ACVR1C: variants seen among roughly 807,000 people sequenced by gnomAD.
The protein encoded by ACVR1C is activin receptor type-1C.
A neutral mutation model predicts 57.9 loss-of-function variants in ACVR1C; 23 were observed. The observed-to-expected ratio is 0.40, with a 90% confidence interval of 0.29 to 0.56. ACVR1C has a LOEUF of 0.56. ACVR1C is among the 20% of genes least tolerant of loss of function. The pLI is 0.50. For missense variants in ACVR1C, 480 were observed against 607.9 expected, an observed-to-expected ratio of 0.79 and a Z score of 2.21; for synonymous variants, 214 against 215.3, an observed-to-expected ratio of 0.99 and a Z score of 0.05.
intron 1 of ACVR1C, among the ~76,000 whole-genome samples, chr2:157,624,671 G>A (rs1394784877): frequency 6.6e-6 from 1 of 152,188 alleles, no homozygotes. Flanking sequence ...AGAGTTGGGA[G>A]TGACACATTG....
At chr2:157,621,286 G>A (rs555891011) in intron 1 of ACVR1C, among the ~76,000 whole-genome samples, 103 of 152,270 alleles carry the variant, frequency 6.8e-4, no homozygotes, top group African/African-American at 2.3e-3. Context: ...CAGCAGAGCC[G>A]TGTTAGCCTG....
rs1259447140 is a variant in ACVR1C, at chr2:157,544,583, C to T, written c.805G>A (p.Val269Ile). ...GAGCCCTGTTCATGATATTCAGATACCAGCCAAAGTTGAGTCCAAGTTCCA... is the reference window on the plus strand; with the variant it reads ...GAGCCCTGTTCATGATATTCAGATATCAGCCAAAGTTGAGTCCAAGTTCCA... ...DNGTWTQLWLVSEYHEQGSLY... is the reference protein window; with the variant it reads ...DNGTWTQLWLISEYHEQGSLY... The change falls in exon 5 of 9, where the codon GTA becomes ATA. Residue 269 changes from valine to isoleucine, a missense_variant. By Grantham distance (29) the Val-to-Ile change is conservative. Coordinates refer to ENST00000243349, the MANE Select transcript of ACVR1C (RefSeq NM_145259.3). 1.2e-6 allele frequency: 2 copies of T among 1,612,580 alleles called. No homozygotes were observed. The highest frequency in any genetic ancestry group is 1.7e-6 in the Non-Finnish European group (2 of 1,179,340).
intron 1 of ACVR1C, among the ~76,000 whole-genome samples, chr2:157,605,970 C>T (rs2105143921): frequency 6.6e-6 from 1 of 151,686 alleles, no homozygotes; most frequent in East Asian, 1.9e-4. Flanking sequence ...CCCTCCTTCC[C>T]AGCTTTTGGT....
At chr2:157,627,995 C>T (rs1667055661) in intron 1 of ACVR1C, among the ~76,000 whole-genome samples, 2 of 152,196 alleles carry the variant, frequency 1.3e-5, no homozygotes, top group Admixed American at 1.3e-4. Context: ...AAGATCGTAC[C>T]TCGAAAGCAA....
intron 1 of ACVR1C, among the ~76,000 whole-genome samples, chr2:157,597,180 C>T (rs555843991): frequency 5.8e-4 from 89 of 152,304 alleles, no homozygotes; most frequent in African/African-American, 1.8e-3. Flanking sequence ...CCTCACCAGG[C>T]AGTGTGGAAA....
chr2:157,561,731 C>A (rs1463493969), intron 2 of ACVR1C, among the ~76,000 whole-genome samples: 1 of 152,182 alleles, frequency 6.6e-6, no homozygotes, highest in African/African-American at 2.4e-5. Context: ...CCTTAACCTG[C>A]CACTTCACAG....
intron 2 of ACVR1C, among the ~76,000 whole-genome samples, chr2:157,562,303 A>ATAT (rs752059219): frequency 4.5e-4 from 59 of 129,744 alleles, no homozygotes; most frequent in Middle Eastern, 3.6e-3. Flanking sequence ...CAAAAAAAAA[A>ATAT]AAATATATAT....
chr2:157,576,251 G>T (rs377165059), intron 2 of ACVR1C, among the ~76,000 whole-genome samples: 1 of 122,424 alleles, frequency 8.2e-6, no homozygotes, highest in African/African-American at 3.2e-5. Flanking sequence ...CTGTCACCAC[G>T]CTGGAGTGCA....
chr2:157,594,047 T>A (rs1682022405), intron 1 of ACVR1C, among the ~76,000 whole-genome samples: 1 of 152,166 alleles, frequency 6.6e-6, no homozygotes, highest in Non-Finnish European at 1.5e-5. Context: ...TGAGAAGGAA[T>A]GAAACCACCC....
chr2:157,578,677 C>T (rs1432714555), intron 2 of ACVR1C, among the ~76,000 whole-genome samples: 2 of 152,110 alleles, frequency 1.3e-5, no homozygotes, highest in African/African-American at 4.8e-5. Flanking sequence ...CTCTTCCTTA[C>T]CCTCCTTCTT....
chr2:157,573,641 A>T (rs1688575865), intron 2 of ACVR1C, among the ~76,000 whole-genome samples: 1 of 152,150 alleles, frequency 6.6e-6, no homozygotes, highest in African/African-American at 2.4e-5. Context: ...AACCCTAAAA[A>T]GTTCCAGTTT....
intron 2 of ACVR1C, among the ~76,000 whole-genome samples, chr2:157,561,212 A>T (rs557218336): frequency 2.6e-5 from 4 of 152,218 alleles, no homozygotes. Flanking sequence ...AGTTTTTCCC[A>T]AGTAAAAAGA....
intron 3 of ACVR1C, among the ~76,000 whole-genome samples, chr2:157,554,239 G>GAAAGAAAGA: frequency 8.6e-6 from 1 of 115,780 alleles, no homozygotes; most frequent in Non-Finnish European, 1.7e-5. Flanking sequence ...AAGAAAGAAA[G>GAAAGAAAGA]AAAGAAAGAA....
At chr2:157,580,702 T>A (rs1160034425) in intron 2 of ACVR1C, among the ~76,000 whole-genome samples, 1 of 152,140 alleles carries the variant, frequency 6.6e-6, no homozygotes, top group Non-Finnish European at 1.5e-5. Context: ...TTGAGCACTG[T>A]GGCTGCCTTG....
At chr2:157,547,922 G>C (rs979010528) in intron 4 of ACVR1C, among the ~76,000 whole-genome samples, 4 of 151,644 alleles carry the variant, frequency 2.6e-5, no homozygotes, top group Non-Finnish European at 4.4e-5. Context: ...GTAATGCCTA[G>C]GTTTTCTTCT....
chr2:157,551,154 G>A (rs1687913340), intron 3 of ACVR1C, among the ~76,000 whole-genome samples: 1 of 152,190 alleles, frequency 6.6e-6, no homozygotes, highest in Admixed American at 6.5e-5. Context: ...GAAATAAAGT[G>A]CAGAGATTAA....
intron 1 of ACVR1C, among the ~76,000 whole-genome samples, chr2:157,594,849 A>G (rs1398622667): frequency 6.6e-6 from 1 of 152,254 alleles, no homozygotes; most frequent in African/African-American, 2.4e-5. Context: ...GCTGACAGCA[A>G]TTAGAGCTTA....
chr2:157,554,248 AAAGAAAGAAAGAAAGAAAGAAAGG>A (rs1688013297), intron 3 of ACVR1C, among the ~76,000 whole-genome samples: 2 of 133,538 alleles, frequency 1.5e-5, no homozygotes, highest in Non-Finnish European at 3.1e-5. Context: ...AGAAAGAAAG[AAAGAAAGAAAGAAAGAAAGAAAGG>A]AAGGAAGGAA....
chr2:157,628,056 T>A (rs574332969), intron 1 of ACVR1C, among the ~76,000 whole-genome samples: 1 of 152,266 alleles, frequency 6.6e-6, no homozygotes, highest in Admixed American at 6.5e-5. Context: ...CCTCCATAGC[T>A]TGGCATCTGC....
Sources: allele counts gnomAD v4.1 joint callset (sites outside exome capture counted in the v4.1 genomes callset), GRCh38; gene constraint gnomAD v4.1.1; transcripts MANE v1.5; gene names NCBI Gene and HGNC (gene_info 2026-07-23, HGNC 2026-07-21).